The following GALNT13 variants were observed in gnomAD, a reference collection of about 807,000 sequenced individuals.
GALNT13 encodes UDP-GalNAc:polypeptide N-acetylgalactosaminyltransferase 13.
GALNT13 carries 28 observed loss-of-function variants against 64.2 expected under a neutral mutation model. That is an observed-to-expected ratio of 0.44 (90% confidence interval 0.32 to 0.60). The LOEUF is 0.60. GALNT13 is among the 20% of genes least tolerant of loss of function. The pLI is 0.05. For missense variants in GALNT13, 577 were observed against 669.8 expected (o/e 0.86, Z 1.53); for synonymous variants, 214 against 224.6 (o/e 0.95, Z 0.42).
At chr2:153,289,967 T>C in the GALNT13 span, among the ~76,000 whole-genome samples, 1 of 152,194 alleles carries the variant, frequency 6.6e-6, no homozygotes, top group East Asian at 1.9e-4. Flanking sequence ...GGCTACCTCA[T>C]TTACCAGTTG....
At chr2:154,349,876 G>C (rs1696293013) in intron 9 of GALNT13, among the ~76,000 whole-genome samples, 1 of 152,184 alleles carries the variant, frequency 6.6e-6, no homozygotes. Context: ...GGCAATGCTG[G>C]ATGGAAAGCA....
chr2:154,266,240 A>G (rs1396375295), intron 8 of GALNT13, among the ~76,000 whole-genome samples: 1 of 152,172 alleles, frequency 6.6e-6, no homozygotes, highest in East Asian at 1.9e-4. Flanking sequence ...ATCTTACTAC[A>G]TCTACTTAAC....
the GALNT13 span, among the ~76,000 whole-genome samples, chr2:153,453,770 A>T: frequency 6.6e-6 from 1 of 152,162 alleles, no homozygotes; most frequent in Non-Finnish European, 1.5e-5. Context: ...TACTAGGTGT[A>T]TAGCCAAAAT....
Position 154,043,463 on chromosome 2 carries a change from T to A in GALNT13, c.143-96874T>A, listed in dbSNP as rs142348123. On this transcript the variant is annotated intron_variant, in intron 3 of 12. Transcript: ENST00000392825. The stretch of plus-strand genomic sequence containing the variant: ...ATATATATATATATATATACACACA[T>A]GTATACATAAAAACATGTATTGCAA... Among the ~76,000 whole-genome samples the A allele has an allele frequency of 7.1e-5, 8 of 111,896 alleles. No individual in the cohort carries two copies. The South Asian group carries it at 2.7e-3, about 37-fold the overall frequency. The allele number at this position is 111,896 out of a possible 152,430, so 73.4% of individuals were successfully genotyped here.
At chr2:154,423,223 C>T (rs970492008) in intron 11 of GALNT13, among the ~76,000 whole-genome samples, 2 of 151,982 alleles carry the variant, frequency 1.3e-5, no homozygotes, top group African/African-American at 2.4e-5. Flanking sequence ...CATCCATGTC[C>T]CTGCAAAGGA....
the GALNT13 span, among the ~76,000 whole-genome samples, chr2:153,353,996 T>C: frequency 6.6e-6 from 1 of 152,186 alleles, no homozygotes; most frequent in African/African-American, 2.4e-5. Flanking sequence ...TCTTACATTT[T>C]GTTAGAATTA....
the GALNT13 span, among the ~76,000 whole-genome samples, chr2:153,742,649 CA>C: frequency 6.6e-6 from 1 of 152,028 alleles, no homozygotes; most frequent in Non-Finnish European, 1.5e-5. Flanking sequence ...ATTTAGCTCC[CA>C]CTTATGTGAG....
chr2:153,441,045 T>C, the GALNT13 span, among the ~76,000 whole-genome samples: 3 of 152,358 alleles, frequency 2.0e-5, no homozygotes, highest in Non-Finnish European at 1.5e-5. Flanking sequence ...GGAATGGTAT[T>C]GCCTAGGTTC....
chr2:153,135,930 C>G, the GALNT13 span, among the ~76,000 whole-genome samples: 1 of 151,878 alleles, frequency 6.6e-6, no homozygotes, highest in Non-Finnish European at 1.5e-5. Flanking sequence ...ACATGAAGTA[C>G]GAAACTCCAG....
At chr2:154,333,839 G>T in intron 9 of GALNT13, among the ~76,000 whole-genome samples, 1 of 152,148 alleles carries the variant, frequency 6.6e-6, no homozygotes. Context: ...TACTAAATCT[G>T]CAAGTGGCAG....
At position 154,090,678 on chromosome 2, in the gene GALNT13, A is replaced by G. The variant is rs188970451; in HGVS notation, c.143-49659A>G. On this transcript the variant is annotated intron_variant, in intron 3 of 12. Transcript: ENST00000392825. Reference sequence around the variant, plus strand: ...AAATCGCTTCAGATATTCAACTCAAATTTCCGTTACCATTATGAAAATAAC... The same window carrying G: ...AAATCGCTTCAGATATTCAACTCAAGTTTCCGTTACCATTATGAAAATAAC... 5.9e-5 allele frequency among the ~76,000 whole-genome samples: 9 copies of G among 152,146 alleles called. No individual in the cohort carries two copies. The East Asian group carries it at 9.7e-4, about 16-fold the overall frequency.
chr2:153,735,055 C>T, the GALNT13 span, among the ~76,000 whole-genome samples: 1 of 152,120 alleles, frequency 6.6e-6, no homozygotes, highest in Non-Finnish European at 1.5e-5. Flanking sequence ...TTGATATTAC[C>T]TAGGACAAAA....
intron 3 of GALNT13, among the ~76,000 whole-genome samples, chr2:153,953,944 T>G (rs894221675): frequency 2.6e-5 from 4 of 152,170 alleles, no homozygotes; most frequent in Non-Finnish European, 5.9e-5. Flanking sequence ...CTAAGGTTTC[T>G]TCTCATAAAT....
the GALNT13 span, among the ~76,000 whole-genome samples, chr2:153,622,305 T>C: frequency 2.6e-5 from 4 of 152,150 alleles, no homozygotes; most frequent in South Asian, 8.3e-4. Context: ...TTTACAAAGA[T>C]CTTAAGTGAT....
At chr2:154,308,187 A>G (rs1693845136) in intron 9 of GALNT13, among the ~76,000 whole-genome samples, 1 of 152,116 alleles carries the variant, frequency 6.6e-6, no homozygotes, top group Admixed American at 6.6e-5. Flanking sequence ...CTTTGGCAAT[A>G]TTGTAGTTTG....
the GALNT13 span, among the ~76,000 whole-genome samples, chr2:153,635,441 C>CACACATATATATGTATATATATATAT: frequency 7.7e-6 from 1 of 129,852 alleles, no homozygotes; most frequent in African/African-American, 2.9e-5. Context: ...TATATATATA[C>CACACATATATATGTATATATATATAT]ACACATATAT....
At chr2:154,218,378 C>T (rs1478519081) in intron 4 of GALNT13, among the ~76,000 whole-genome samples, 3 of 152,078 alleles carry the variant, frequency 2.0e-5, no homozygotes, top group Non-Finnish European at 2.9e-5. Flanking sequence ...TTGTTTCAGC[C>T]ATCTAAAGAG....
At chr2:153,178,343 C>T in the GALNT13 span, among the ~76,000 whole-genome samples, 56 of 152,252 alleles carry the variant, frequency 3.7e-4, no homozygotes, top group East Asian at 7.9e-3. Context: ...CAATGGTTCC[C>T]TTTTCTTCAT....
the GALNT13 span, among the ~76,000 whole-genome samples, chr2:153,093,499 A>G: frequency 6.6e-6 from 1 of 152,046 alleles, no homozygotes; most frequent in Non-Finnish European, 1.5e-5. Flanking sequence ...TCGGCCTCCC[A>G]AAGTGCTAGG....
Sources: allele counts gnomAD v4.1 joint callset (sites outside exome capture counted in the v4.1 genomes callset), GRCh38; gene constraint gnomAD v4.1.1; transcripts MANE v1.5; gene names NCBI Gene and HGNC (gene_info 2026-07-23, HGNC 2026-07-21).